FSTL5: variants seen among roughly 807,000 people sequenced by gnomAD.
The protein encoded by FSTL5 is follistatin-related protein 5.
In FSTL5, 62 loss-of-function variants were observed where a neutral mutation model predicts 89.1. The ratio of observed to expected loss-of-function variants is 0.70; its 90% CI spans 0.57 to 0.86. The LOEUF is 0.86. FSTL5 is among the 40% of genes least tolerant of loss of function. The pLI is 0.00. For synonymous variants in FSTL5, 383 were observed against 346.2 expected (o/e 1.11, Z -1.18); for missense variants, 1,057 against 1,001.6 (o/e 1.06, Z -0.75).
intron 6 of FSTL5, among the ~76,000 whole-genome samples, chr4:161,699,466 T>G (rs1175373271): frequency 6.6e-5 from 10 of 152,320 alleles, no homozygotes; most frequent in African/African-American, 2.4e-4. Flanking sequence ...CTTCCATTCC[T>G]TGTATTTTCT....
intron 3 of FSTL5, among the ~76,000 whole-genome samples, chr4:161,964,729 T>A (rs1002289989): frequency 4.6e-5 from 7 of 152,074 alleles, no homozygotes; most frequent in Admixed American, 4.6e-4. Flanking sequence ...AATAGTTTCC[T>A]GTGTTTGCCT....
intron 15 of FSTL5, among the ~76,000 whole-genome samples, chr4:161,437,768 G>A (rs537409351): frequency 6.6e-6 from 1 of 152,170 alleles, no homozygotes; most frequent in East Asian, 1.9e-4. Flanking sequence ...TTCTGAATGT[G>A]AGAAGTGAGA....
intron 3 of FSTL5, among the ~76,000 whole-genome samples, chr4:162,018,994 ATACT>A (rs1399560791): frequency 2.6e-5 from 4 of 152,148 alleles, no homozygotes; most frequent in Admixed American, 2.6e-4. Flanking sequence ...TCTTAATAAA[ATACT>A]TAATGTCATG....
intron 1 of FSTL5, among the ~76,000 whole-genome samples, chr4:162,131,923 T>G (rs948943620): frequency 6.6e-6 from 1 of 152,238 alleles, no homozygotes. Flanking sequence ...CCAAAGATAT[T>G]CTGATTCTAG....
chr4:161,516,945 G>T (rs1297226916), intron 10 of FSTL5, among the ~76,000 whole-genome samples: 1 of 152,096 alleles, frequency 6.6e-6, no homozygotes, highest in African/African-American at 2.4e-5. Context: ...CCAGGCTGGA[G>T]CGTAGTGGTG....
chr4:161,490,654 TA>T (rs1290458725), intron 12 of FSTL5, among the ~76,000 whole-genome samples: 10 of 152,180 alleles, frequency 6.6e-5, no homozygotes, highest in Non-Finnish European at 1.2e-4. Context: ...TTAACAGGTT[TA>T]CAAGACTACT....
intron 3 of FSTL5, among the ~76,000 whole-genome samples, chr4:161,929,583 T>C (rs1412382356): frequency 1.3e-5 from 2 of 151,672 alleles, no homozygotes; most frequent in African/African-American, 2.4e-5. Flanking sequence ...ACTTTAAATG[T>C]TGCCAGTGAA....
At chr4:162,109,278 C>T (rs181402194) in intron 2 of FSTL5, among the ~76,000 whole-genome samples, 2 of 152,118 alleles carry the variant, frequency 1.3e-5, no homozygotes, top group Admixed American at 6.6e-5. Context: ...ACAATGAGTA[C>T]AAAGTGTAAG....
intron 15 of FSTL5, among the ~76,000 whole-genome samples, chr4:161,416,570 C>T (rs780283065): frequency 5.3e-5 from 8 of 152,096 alleles, no homozygotes; most frequent in East Asian, 3.9e-4. Flanking sequence ...ATGGGCCAGG[C>T]GTGGTGGCTC....
At chr4:162,008,480 C>A (rs1315411372) in intron 3 of FSTL5, among the ~76,000 whole-genome samples, 1 of 151,704 alleles carries the variant, frequency 6.6e-6, no homozygotes, top group African/African-American at 2.4e-5. Context: ...AAGGAGGATG[C>A]AATAGGGAAA....
At chr4:161,746,851 T>C (rs1282022585) in intron 6 of FSTL5, among the ~76,000 whole-genome samples, 2 of 152,154 alleles carry the variant, frequency 1.3e-5, no homozygotes, top group African/African-American at 4.8e-5. Context: ...TAGTTTGCAC[T>C]TTTGTCTCCC....
At chr4:161,719,683 C>T (rs972648450) in intron 6 of FSTL5, among the ~76,000 whole-genome samples, 1 of 151,690 alleles carries the variant, frequency 6.6e-6, no homozygotes, top group African/African-American at 2.4e-5. Context: ...TTTTGGTGTA[C>T]AAGTCCTTCA....
chr4:162,124,402 C>T lies in FSTL5; in HGVS notation c.-16-12990G>A, dbSNP rs76427350. On this transcript the variant is annotated intron_variant, in intron 1 of 15. Transcript: ENST00000306100. ...CCTGACCACCAGTAATTTTTAGCAA[C>T]TTTCTTTCTCCATTCTCTCCTCTTC... is the stretch of plus-strand genomic sequence containing the variant. 1.9e-3 allele frequency among the ~76,000 whole-genome samples: 289 copies of T among 152,208 alleles called. 1 individual carries two copies. The highest frequency in any genetic ancestry group is 6.6e-3 in the African/African-American group (274 of 41,548).
intron 6 of FSTL5, among the ~76,000 whole-genome samples, chr4:161,693,248 T>C (rs1738015286): frequency 6.6e-6 from 1 of 152,226 alleles, no homozygotes; most frequent in Admixed American, 6.5e-5. Context: ...ATAAGGAATA[T>C]TAAATTGTAG....
chr4:161,594,368 C>T (rs1419720035), intron 7 of FSTL5, among the ~76,000 whole-genome samples: 2 of 151,970 alleles, frequency 1.3e-5, no homozygotes, highest in African/African-American at 2.4e-5. Flanking sequence ...TTTAAAATTT[C>T]TTTAAAACCT....
intron 12 of FSTL5, among the ~76,000 whole-genome samples, chr4:161,489,275 A>G (rs1464147487): frequency 4.6e-5 from 7 of 152,142 alleles, no homozygotes; most frequent in Admixed American, 4.6e-4. Context: ...TCCAGGGGCC[A>G]TTAGACACTG....
At chr4:161,459,357 A>G in intron 13 of FSTL5, 38 bp from the exon 14 acceptor site, 2 of 1,358,432 alleles carry the variant, frequency 1.5e-6, no homozygotes, top group South Asian at 1.2e-5. Flanking sequence ...GTTTTAGACT[A>G]AACTATTAGT....
At chr4:162,021,456 A>G (rs1737082562) in intron 3 of FSTL5, among the ~76,000 whole-genome samples, 1 of 152,186 alleles carries the variant, frequency 6.6e-6, no homozygotes, top group South Asian at 2.1e-4. Context: ...TCAATATTTA[A>G]TAAGCTGAAG....
At chr4:161,948,617 T>C (rs1303246198) in intron 3 of FSTL5, among the ~76,000 whole-genome samples, 2 of 151,604 alleles carry the variant, frequency 1.3e-5, no homozygotes, top group African/African-American at 4.9e-5. Flanking sequence ...CCAGCTGATT[T>C]TTCTATTATT....
Sources: gnomAD v4.1 joint callset for allele counts (sites outside exome capture counted in the v4.1 genomes callset) on GRCh38, gnomAD v4.1.1 for gene constraint, MANE v1.5 for transcripts, NCBI Gene and HGNC (gene_info 2026-07-23, HGNC 2026-07-21) for gene names.